RAB44: variants seen among roughly 807,000 people sequenced by gnomAD.
RAB44 encodes ras-related protein Rab-44.
In RAB44, 67 loss-of-function variants were observed where a neutral mutation model predicts 93.3. The ratio of observed to expected loss-of-function variants is 0.72; its 90% confidence interval spans 0.59 to 0.88. RAB44 has a LOEUF of 0.88. Ranked by LOEUF, RAB44 falls within the 40% of genes least tolerant of loss-of-function variation. The pLI, the probability that RAB44 is intolerant of heterozygous loss-of-function variation, is 0.00. For synonymous variants in RAB44, 427 were observed against 520.3 expected, an observed-to-expected ratio of 0.82 and a Z score of 2.44; for missense variants, 1,064 against 1,261.7, an observed-to-expected ratio of 0.84 and a Z score of 2.37.
In RAB44 at chr6:36,721,265, T is replaced by C. The variant is rs1411437806; in HGVS notation, c.1131T>C (p.Phe377=). The C allele has an allele frequency of 1.8e-5, 22 of 1,234,066 alleles. No homozygotes were observed. The East Asian group carries it at 6.3e-4, about 35-fold the overall frequency. The allele number at this position is 1,234,066 out of a possible 1,614,324, so 76.4% of individuals were successfully genotyped here. The part of the protein sequence containing the change: ...NDDWDQLLSN[F]GSPPHGALQL... ...ACTGGGACCAGCTACTGAGCAACTT[T>C]GGCAGCCCTCCGCACGGAGCCCTGC... The change falls in exon 9 of 14, where the codon TTT becomes TTC. Residue 377 remains phenylalanine (F), a synonymous_variant. Transcript: ENST00000612677.
chr6:36,704,269 C>T lies in RAB44; in HGVS notation c.34C>T (p.Arg12Trp), dbSNP rs1340465023. ...TGGACAGAGAACATCTCGAAAAGTC[C>T]GGAAGCTGGGCTCCAACCGGCGGCG... ...ETGQRTSRKV[R>W]KLGSNRRRQT... is the part of the protein sequence containing the mutation. Residue 12 changes from arginine (R) to tryptophan (W), a missense_variant, in exon 2 of 14, where the codon CGG becomes TGG. By Grantham distance (101) the Arg-to-Trp change is moderately radical. Transcript: ENST00000612677. 23 of 1,535,974 alleles carry T rather than the reference C, an allele frequency of 1.5e-5. No homozygotes were observed. Among genetic ancestry groups the T allele is most frequent in the Non-Finnish European group, 1.8e-5 (21 of 1,146,902 alleles).
intron 1 of RAB44, among the ~76,000 whole-genome samples, chr6:36,700,381 G>A (rs1388441616): frequency 6.6e-6 from 1 of 152,204 alleles, no homozygotes; most frequent in Non-Finnish European, 1.5e-5. Context: ...TGCATCTCCA[G>A]GTCACGAGAG....
intron 9 of RAB44, among the ~76,000 whole-genome samples, chr6:36,724,198 C>T (rs888490259): frequency 1.3e-4 from 19 of 151,056 alleles, no homozygotes; most frequent in African/African-American, 3.9e-4. Flanking sequence ...GATGGAGTCT[C>T]GCCCTGTCAC....
chr6:36,727,848 G>T (rs1458413757), intron 11 of RAB44, among the ~76,000 whole-genome samples, 157 bp downstream of exon 11: 1 of 152,232 alleles, frequency 6.6e-6, no homozygotes, highest in East Asian at 1.9e-4. Context: ...AGCTGGGAAT[G>T]CAGTAGTACA....
chr6:36,731,897 T>G lies in RAB44; in HGVS notation c.2976-106T>G. The G allele has an allele frequency of 1.8e-6, 1 of 551,430 alleles. No homozygotes were observed. The highest frequency in any genetic ancestry group is 2.7e-6 in the Non-Finnish European group (1 of 367,276). The allele number at this position is 551,430 out of a possible 1,614,324, so 34.2% of individuals were successfully genotyped here. On this transcript the variant is annotated intron_variant, in intron 13 of 13. Transcript: ENST00000612677. The surrounding 1 kb of genome is among the most constrained non-coding windows in gnomAD (Gnocchi z 4.0). Reference sequence around the variant, plus strand: ...ATGCAGGGCAGGGGCAGAGCTGTTGTGGGGGTTGTGGGTGCGGCCTCCCAC... The same window carrying G: ...ATGCAGGGCAGGGGCAGAGCTGTTGGGGGGGTTGTGGGTGCGGCCTCCCAC...
intron 1 of RAB44, among the ~76,000 whole-genome samples, chr6:36,701,134 G>A (rs953691105): frequency 1.5e-4 from 23 of 152,154 alleles, no homozygotes; most frequent in African/African-American, 5.3e-4. Flanking sequence ...TTCTGAGACA[G>A]TGTCTCACTC....
intron 1 of RAB44, among the ~76,000 whole-genome samples, 164 bp from the exon 2 acceptor site, chr6:36,704,060 G>A (rs1376582322): frequency 2.6e-5 from 4 of 152,198 alleles, no homozygotes; most frequent in Admixed American, 2.0e-4. Context: ...GCCATGAGGC[G>A]GCTGGGCGAC....
At chr6:36,715,118 T>TATATATATATATATATA in intron 3 of RAB44, among the ~76,000 whole-genome samples, 1 of 151,738 alleles carries the variant, frequency 6.6e-6, no homozygotes, top group African/African-American at 2.4e-5. Context: ...TATATATATA[T>TATATATATATATATATA]TCTTTTCAAC....
chr6:36,718,353 G>A, intron 6 of RAB44, 140 bp from the exon 7 acceptor site: 1 of 454,586 alleles, frequency 2.2e-6, no homozygotes, highest in Non-Finnish European at 3.6e-6. Flanking sequence ...GGAACTGGAG[G>A]AGTTGTCCTG....
intron 2 of RAB44, among the ~76,000 whole-genome samples, chr6:36,705,393 T>TCCCTCCCC (rs1762622358): frequency 9.1e-6 from 1 of 110,254 alleles, no homozygotes; most frequent in South Asian, 3.4e-4. Flanking sequence ...CCTCCCTCCC[T>TCCCTCCCC]CCCTCCCTCC....
chr6:36,721,005 T>C (rs1763061372), intron 8 of RAB44, 146 bp from the exon 9 acceptor site: 1 of 677,782 alleles, frequency 1.5e-6, no homozygotes, highest in East Asian at 3.4e-5. Context: ...GGGGAGCACA[T>C]ACCAGGTGAG....
chr6:36,720,565 T>A lies in RAB44; in HGVS notation c.1016+15T>A. The A allele has an allele frequency of 4.9e-6, 6 of 1,234,070 alleles. No homozygotes were observed. Among genetic ancestry groups the A allele is most frequent in the Non-Finnish European group, 6.1e-6 (6 of 988,090 alleles). The allele number at this position is 1,234,070 out of a possible 1,614,324, so 76.4% of individuals were successfully genotyped here. The stretch of plus-strand genomic sequence containing the variant: ...GAGAAACTGAGGCAAGTGGCTGCTA[T>A]CCCTGGACTGGGGTGGACTCTAAGG... On this transcript the variant is annotated intron_variant, in intron 8 of 13. Coordinates refer to ENST00000612677, the MANE Select transcript of RAB44 (RefSeq NM_001257357.2).
At chr6:36,727,464 A>T in intron 10 of RAB44, 113 bp from the exon 11 acceptor site, 1 of 681,068 alleles carries the variant, frequency 1.5e-6, no homozygotes, top group Non-Finnish European at 2.7e-6. Flanking sequence ...AAGCATACGG[A>T]CATGCTCTGT....
chr6:36,725,994 G>C, intron 10 of RAB44, 51 bp downstream of exon 10: 1 of 1,377,468 alleles, frequency 7.3e-7, no homozygotes, highest in Non-Finnish European at 1.0e-6. Flanking sequence ...GAGCGTAGGG[G>C]TGCAGAGGGA....
chr6:36,727,253 A>G lies in RAB44; in HGVS notation c.2682-324A>G, dbSNP rs201493156. On this transcript the variant is annotated intron_variant, in intron 10 of 13. Transcript: ENST00000612677. Reference sequence around the variant, plus strand: ...TGTATGGGTGTATATATGTGTGTGTATATATATGTATATACGTAAAATGCC... The same window carrying G: ...TGTATGGGTGTATATATGTGTGTGTGTATATATGTATATACGTAAAATGCC... 3.3e-5 allele frequency among the ~76,000 whole-genome samples: 5 copies of G among 152,376 alleles called. No individual in the cohort carries two copies. The East Asian group carries it at 7.7e-4, about 23-fold the overall frequency.
At chr6:36,729,132 C>A (rs1194130470) in intron 12 of RAB44, among the ~76,000 whole-genome samples, 2 of 152,188 alleles carry the variant, frequency 1.3e-5, no homozygotes, top group African/African-American at 4.8e-5. Flanking sequence ...GTTTTGAAAG[C>A]TTTGCTTAAA....
intron 2 of RAB44, among the ~76,000 whole-genome samples, chr6:36,712,668 A>G (rs1319091438): frequency 6.6e-6 from 1 of 152,156 alleles, no homozygotes; most frequent in Non-Finnish European, 1.5e-5. Flanking sequence ...CCCGGCCTGG[A>G]ATTCTTAACT....
At chr6:36,730,410 C>T (rs1763332583) in intron 12 of RAB44, among the ~76,000 whole-genome samples, 1 of 152,170 alleles carries the variant, frequency 6.6e-6, no homozygotes, top group Non-Finnish European at 1.5e-5. Context: ...GGGATGCAGG[C>T]TTCCCATGCC....
chr6:36,720,871 C>T (rs1444594101), intron 8 of RAB44, among the ~76,000 whole-genome samples: 1 of 152,200 alleles, frequency 6.6e-6, no homozygotes, highest in Non-Finnish European at 1.5e-5. Context: ...CTAGCAGGCA[C>T]TCACTCTACT....
Sources: allele counts gnomAD v4.1 joint callset (sites outside exome capture counted in the v4.1 genomes callset), GRCh38; gene constraint gnomAD v4.1.1; non-coding constraint Gnocchi (gnomAD v3.1); transcripts MANE v1.5; gene names NCBI Gene and HGNC (gene_info 2026-07-23, HGNC 2026-07-21).